CSDE1: variants seen among roughly 807,000 people sequenced by gnomAD.
The protein encoded by CSDE1 is cold shock domain containing E1.
CSDE1 carries 17 observed loss-of-function variants against 89.3 expected under a neutral mutation model. The ratio of observed to expected loss-of-function variants is 0.19; its 90% CI spans 0.13 to 0.29. The LOEUF (loss-of-function observed/expected upper bound fraction) is 0.29, where lower values mean the gene tolerates loss of function less well. CSDE1 is among the 10% of genes least tolerant of loss of function. The pLI is 1.00. For synonymous variants in CSDE1, 322 were observed against 332.8 expected, an observed-to-expected ratio of 0.97 and a Z score of 0.35; for missense variants, 672 against 984.2, an observed-to-expected ratio of 0.68 and a Z score of 4.24.
At chr1:114,738,660 A>AATTTTTTTTT (rs1660540253) in intron 3 of CSDE1, among the ~76,000 whole-genome samples, 1 of 118,828 alleles carries the variant, frequency 8.4e-6, no homozygotes, top group Admixed American at 8.3e-5. Flanking sequence ...ACATGTAAAA[A>AATTTTTTTTT]CTTTTTTTTT....
chr1:114,723,015 T>C (rs1659610768), intron 16 of CSDE1, among the ~76,000 whole-genome samples: 1 of 152,126 alleles, frequency 6.6e-6, no homozygotes, highest in Non-Finnish European at 1.5e-5. Flanking sequence ...TTTTTAAAAT[T>C]TTTTTATTAT....
At chr1:114,749,565 C>T (rs1488934551) in intron 2 of CSDE1, among the ~76,000 whole-genome samples, 1 of 152,190 alleles carries the variant, frequency 6.6e-6, no homozygotes, top group African/African-American at 2.4e-5. Flanking sequence ...CTAAATAGTA[C>T]AGACGGAGCT....
intron 14 of CSDE1, among the ~76,000 whole-genome samples, chr1:114,725,959 T>G (rs1659772248): frequency 6.6e-6 from 1 of 152,100 alleles, no homozygotes; most frequent in Non-Finnish European, 1.5e-5. Context: ...TACACTACAT[T>G]ATACACCAAA....
intron 6 of CSDE1, among the ~76,000 whole-genome samples, 179 bp from the exon 7 acceptor site, chr1:114,734,702 A>C (rs1335905111): frequency 6.6e-6 from 1 of 152,194 alleles, no homozygotes; most frequent in African/African-American, 2.4e-5. Flanking sequence ...TATGCAAAGG[A>C]CTTTAACTCC....
At chr1:114,718,990 T>A (rs1659359112) in intron 18 of CSDE1, 1 of 472,396 alleles carries the variant, frequency 2.1e-6, no homozygotes, top group Admixed American at 3.7e-5. Context: ...TTGAATGCAA[T>A]CAAGAGTGAC....
chr1:114,737,557 A>G lies in CSDE1; in HGVS notation c.316T>C (p.Cys106Arg), dbSNP rs1216769874. Residue 106 changes from cysteine (C) to arginine (R), a missense_variant, in exon 5 of 20, where the codon TGC becomes CGC. Transcript: ENST00000358528. Reference sequence around the variant, plus strand: ...CTCTCTAAGTTGTGAGGAACAGCGCACACAACCTACCAGTCAAAAAAAAAA... The same window carrying G: ...CTCTCTAAGTTGTGAGGAACAGCGCGCACAACCTACCAGTCAAAAAAAAAA... Reference protein sequence around the residue: ...PEERMNGQVVCAVPHNLESKS... With the variant: ...PEERMNGQVVRAVPHNLESKS... The G allele has an allele frequency of 3.1e-6, 5 of 1,613,612 alleles. No individual in the cohort carries two copies. Among genetic ancestry groups the G allele is most frequent in the Non-Finnish European group, 4.2e-6 (5 of 1,179,764 alleles).
chr1:114,751,819 C>T (rs1661324017), intron 1 of CSDE1, among the ~76,000 whole-genome samples: 1 of 152,194 alleles, frequency 6.6e-6, no homozygotes, highest in African/African-American at 2.4e-5. Context: ...CCCAATGTTG[C>T]AAGTTGTGTT....
chr1:114,733,790 A>G lies in CSDE1; in HGVS notation c.779T>C (p.Ile260Thr), dbSNP rs1284632069. 6.2e-7 allele frequency: 1 copy of G among 1,613,996 alleles called. No homozygotes were observed. The highest frequency in any genetic ancestry group is 2.2e-5 in the East Asian group (1 of 44,858). ...QGTVIFEDISIEHFEGTVTKV... is the reference protein window; with the variant it reads ...QGTVIFEDISTEHFEGTVTKV... ...GGTTACAGTTCCTTCAAAATGTTCA[A>G]TGCTGATATCTTCAAAAATGACTGT... Residue 260 changes from isoleucine to threonine, a missense_variant, in exon 9 of 20, where the codon ATT (isoleucine) becomes ACT (threonine). Physicochemically the swap from Ile to Thr is moderately conservative, Grantham distance 89. Coordinates refer to ENST00000358528, the MANE Select transcript of CSDE1 (RefSeq NM_001007553.3).
At chr1:114,731,916 G>A (rs1373723503) in intron 10 of CSDE1, among the ~76,000 whole-genome samples, 1 of 152,198 alleles carries the variant, frequency 6.6e-6, no homozygotes, top group Non-Finnish European at 1.5e-5. Flanking sequence ...CTAGGTTCAA[G>A]CGATTCTCCT....
chr1:114,743,741 G>A (rs1660861401), intron 2 of CSDE1, among the ~76,000 whole-genome samples: 1 of 152,168 alleles, frequency 6.6e-6, no homozygotes, highest in South Asian at 2.1e-4. Flanking sequence ...AAGAATGTTG[G>A]AATCTGGGCT....
At position 114,728,427 on chromosome 1, in the gene CSDE1, T is replaced by A. The variant is rs76270489; in HGVS notation, c.1357-1337A>T. Among the ~76,000 whole-genome samples the A allele has an allele frequency of 8.5e-3, 1,301 of 152,244 alleles. 17 individuals are homozygous for A. Among genetic ancestry groups the A allele is most frequent in the African/African-American group, 0.029 (1,224 of 41,536 alleles). On this transcript the variant is annotated intron_variant, in intron 12 of 19. Coordinates refer to ENST00000358528, the MANE Select transcript of CSDE1 (RefSeq NM_001007553.3). ...AATAGAGATAGGAGAATCCCTGCCC[T>A]GAGGGAGTCCAGTGCAGCAGAGACA...
intron 6 of CSDE1, among the ~76,000 whole-genome samples, chr1:114,735,821 T>C (rs1223927287): frequency 1.3e-5 from 2 of 152,190 alleles, no homozygotes; most frequent in East Asian, 3.9e-4. Flanking sequence ...AACTACATTT[T>C]CCTTAACTGT....
At chr1:114,742,043 A>AT (rs975431512) in intron 2 of CSDE1, among the ~76,000 whole-genome samples, 2 of 152,154 alleles carry the variant, frequency 1.3e-5, no homozygotes, top group African/African-American at 4.8e-5. Context: ...AACTGGGACT[A>AT]TTTTTCTGCC....
At chr1:114,754,185 G>T (rs1418921655) in intron 1 of CSDE1, among the ~76,000 whole-genome samples, 1 of 152,044 alleles carries the variant, frequency 6.6e-6, no homozygotes, top group Non-Finnish European at 1.5e-5. Flanking sequence ...CACAGATGGG[G>T]TTTCACCATG....
intron 12 of CSDE1, 106 bp from the exon 13 acceptor site, chr1:114,727,196 T>G (rs1352536277): frequency 4.3e-6 from 3 of 697,336 alleles, no homozygotes; most frequent in Non-Finnish European, 7.1e-6. Context: ...TTGGTACAGC[T>G]GTAAAAATGT....
rs1242878916 is a variant in CSDE1 at position 114,727,204 on chromosome 1, T to A, written c.1357-114A>T. 4 of 656,912 alleles carry A rather than the reference T, an allele frequency of 6.1e-6. No individual in the cohort carries two copies. The Admixed American group carries it at 1.2e-4, about 20-fold the overall frequency. 40.7% of individuals were successfully genotyped at this position (656,912 alleles called of 1,614,324 possible). ...CAAAGGATTGGTACAGCTGTAAAAA[T>A]GTCTTATTCCAGCATTTTCTAAAAG... On this transcript the variant is annotated intron_variant, in intron 12 of 19. Transcript: ENST00000358528.
At position 114,736,426 on chromosome 1, in the gene CSDE1, T is replaced by C. The variant is rs578259679; in HGVS notation, c.500+332A>G. 3.3e-5 allele frequency among the ~76,000 whole-genome samples: 5 copies of C among 152,322 alleles called. No individual in the cohort carries two copies. The South Asian group carries it at 1.0e-3, about 32-fold the overall frequency. On this transcript the variant is annotated intron_variant, in intron 6 of 19. Transcript: ENST00000358528. ...TTTTCCCCCAACATGTCATGATACT[T>C]CTAATCATAATGCTTTTTTCTCACC...
chr1:114,741,657 T>A, intron 2 of CSDE1: 1 of 1,544,230 alleles, frequency 6.5e-7, no homozygotes, highest in Non-Finnish European at 8.8e-7. Context: ...AGTAAAAACG[T>A]TCTCCATCTC....
At chr1:114,734,257 C>A in intron 7 of CSDE1, 140 bp from the exon 8 acceptor site, 1 of 1,168,206 alleles carries the variant, frequency 8.6e-7, no homozygotes, top group South Asian at 1.5e-5. Context: ...ATCAATTAAA[C>A]AGCCAATTTT....
Sources: allele counts gnomAD v4.1 joint callset (sites outside exome capture counted in the v4.1 genomes callset), GRCh38; gene constraint gnomAD v4.1.1; transcripts MANE v1.5; gene names NCBI Gene and HGNC (gene_info 2026-07-23, HGNC 2026-07-21).